Variants in BNIP2 observed in about 807,000 individuals in gnomAD.
The protein encoded by BNIP2 is BCL2 interacting protein 2, also known as BCL2/adenovirus E1B 19 kDa protein-interacting protein 2.
A neutral mutation model predicts 43.4 loss-of-function variants in BNIP2; 36 were observed. That is an observed-to-expected ratio of 0.83 (90% CI 0.64 to 1.10). BNIP2 has a LOEUF of 1.10. BNIP2 is among the 50% of genes least tolerant of loss of function. The pLI is 0.00. For synonymous variants in BNIP2, 146 were observed against 121.0 expected (o/e 1.21, Z -1.35); for missense variants, 417 against 374.1 (o/e 1.11, Z -0.95).
intron 5 of BNIP2, among the ~76,000 whole-genome samples, chr15:59,674,467 G>A (rs7497807): frequency 6.6e-6 from 1 of 152,178 alleles, no homozygotes; most frequent in African/African-American, 2.4e-5. Flanking sequence ...CTGTGAACTA[G>A]CTGAATAATG....
chr15:59,676,028 T>A (rs1220007652), intron 5 of BNIP2, among the ~76,000 whole-genome samples: 2 of 152,196 alleles, frequency 1.3e-5, no homozygotes, highest in Non-Finnish European at 2.9e-5. Flanking sequence ...GGTATGGGTT[T>A]TATATATATG....
At position 59,683,802 on chromosome 15, in the gene BNIP2, G is replaced by A. The variant is rs6151471; in HGVS notation, c.-57-1288C>T. ...CCATTGCACTCCAGTCTGGGTGACAGAGCAAAACCAGTAGCAGAGGAAAGA... is the reference window on the plus strand; with the variant it reads ...CCATTGCACTCCAGTCTGGGTGACAAAGCAAAACCAGTAGCAGAGGAAAGA... On this transcript the variant is annotated intron_variant, in intron 1 of 9. Transcript: ENST00000607373. 4.3e-4 allele frequency among the ~76,000 whole-genome samples: 65 copies of A among 152,342 alleles called. No individual in the cohort carries two copies. The South Asian group carries it at 4.3e-3, about 10-fold the overall frequency.
At chr15:59,674,057 T>A (rs1377257762) in intron 5 of BNIP2, among the ~76,000 whole-genome samples, 1 of 132,412 alleles carries the variant, frequency 7.6e-6, no homozygotes, top group Admixed American at 9.0e-5. Flanking sequence ...ACCACTGCAC[T>A]CCAGCCTGGG....
At chr15:59,679,416 G>C (rs1002181) in intron 4 of BNIP2, 176 bp downstream of exon 4, 198,779 of 576,710 alleles carry the variant, frequency 0.34, 36,278 homozygotes, top group East Asian at 0.54. Context: ...AATAAGAGGG[G>C]AAAAAAGCCA....
In BNIP2 at chr15:59,663,908, G is replaced by C; in HGVS notation, c.*161C>G. ...AAGAAATTTGCAAACCAGTACAGCAGTGAACAGTCCCTTGTATAATACAAA... is the reference window on the plus strand; with the variant it reads ...AAGAAATTTGCAAACCAGTACAGCACTGAACAGTCCCTTGTATAATACAAA... On this transcript the variant is annotated 3_prime_UTR_variant, in exon 10 of 10. Transcript: ENST00000607373. The C allele has an allele frequency of 2.0e-6, 1 of 507,220 alleles. No individual in the cohort carries two copies. Among genetic ancestry groups the C allele is most frequent in the Non-Finnish European group, 3.4e-6 (1 of 298,126 alleles). The allele number at this position is 507,220 out of a possible 1,614,324, so 31.4% of individuals were successfully genotyped here.
At chr15:59,664,750 G>A (rs1420463406) in intron 9 of BNIP2, among the ~76,000 whole-genome samples, 1 of 152,142 alleles carries the variant, frequency 6.6e-6, no homozygotes, top group African/African-American at 2.4e-5. Flanking sequence ...CTGTGGTAGG[G>A]ATCCAGGTGG....
rs1384842222 is a variant in BNIP2 at position 59,689,215 on chromosome 15, C to T, written c.-138G>A. 11 of 1,540,566 alleles carry T rather than the reference C, an allele frequency of 7.1e-6. No homozygotes were observed. The highest frequency in any genetic ancestry group is 6.9e-5 in the African/African-American group (5 of 72,982). On this transcript the variant is annotated 5_prime_UTR_variant, in exon 1 of 10. Transcript: ENST00000607373. ...GGGCTGACGGCCAGGTCGCAAAAAG[C>T]AGGGCCGAGCGGAGCCCGCTCCCCT... is the stretch of plus-strand genomic sequence containing the variant.
chr15:59,678,152 C>A, intron 4 of BNIP2, 65 bp from the exon 5 acceptor site: 2 of 1,502,510 alleles, frequency 1.3e-6, no homozygotes, highest in Non-Finnish European at 8.9e-7. Flanking sequence ...TATACGTTAA[C>A]CACTTTACTA....
At chr15:59,682,589 A>C in intron 1 of BNIP2, 75 bp from the exon 2 acceptor site, 1 of 1,102,824 alleles carries the variant, frequency 9.1e-7, no homozygotes, top group South Asian at 1.6e-5. Flanking sequence ...ATAATCTTAT[A>C]TATTAGTTCA....
rs1340169087 is a variant in BNIP2 at position 59,661,382 on chromosome 15, A to T, written c.*2687T>A. On this transcript the variant is annotated 3_prime_UTR_variant, in exon 10 of 10. Coordinates refer to ENST00000607373, the MANE Select transcript of BNIP2 (RefSeq NM_004330.4). ...CACACATACAGTGGCATCTTAGGTA[A>T]CAACTATGTCTTTATCTCTTTATAA... 2 of 151,794 alleles carry T rather than the reference A, an allele frequency of 1.3e-5. No homozygotes were observed. Among genetic ancestry groups the T allele is most frequent in the African/African-American group, 4.8e-5 (2 of 41,334 alleles). 9.4% of individuals were successfully genotyped at this position (151,794 alleles called of 1,614,324 possible). A position where few individuals can be genotyped will look rare whatever the true frequency, so the allele number is the denominator to read the frequency against.
intron 9 of BNIP2, chr15:59,668,022 G>C: frequency 1.0e-6 from 1 of 972,822 alleles, no homozygotes; most frequent in Non-Finnish European, 1.4e-6. Flanking sequence ...TTGTCTACAA[G>C]CTAACCAACC....
rs1156681285 is a variant in BNIP2, at chr15:59,660,051, A to G, written c.*4018T>C. ...GGCAGAGGGGGATGCTTGCCAGGTAATTCTTTTGTATTAGCTTAGAACATT... is the reference window on the plus strand; with the variant it reads ...GGCAGAGGGGGATGCTTGCCAGGTAGTTCTTTTGTATTAGCTTAGAACATT... On this transcript the variant is annotated 3_prime_UTR_variant, in exon 10 of 10. Transcript: ENST00000607373. 6 of 152,128 alleles carry G rather than the reference A, an allele frequency of 3.9e-5. No individual in the cohort carries two copies. The highest frequency in any genetic ancestry group is 1.4e-4 in the African/African-American group (6 of 41,424). The allele number at this position is 152,128 out of a possible 1,614,324, so 9.4% of individuals were successfully genotyped here.
chr15:59,673,137 T>C (rs1374008103), intron 5 of BNIP2, among the ~76,000 whole-genome samples: 4 of 146,088 alleles, frequency 2.7e-5, no homozygotes, highest in African/African-American at 1.0e-4. Flanking sequence ...TTTTTTTTTT[T>C]AGATGGAGTC....
rs1452631539 is a variant in BNIP2 at position 59,672,723 on chromosome 15, T to A, written c.489A>T (p.Gly163=). Reference sequence around the variant, plus strand: ...CAGCAAACACAACAATGGCATTTAATCCATCCCCATAATATCCTAAAAAAG... The same window carrying A: ...CAGCAAACACAACAATGGCATTTAAACCATCCCCATAATATCCTAAAAAAG... ...VISHGGYYGD[G]LNAIVVFAVC... The change falls in exon 6 of 10, where the codon GGA becomes GGT. Residue 163 remains glycine (G), a synonymous_variant. Coordinates refer to ENST00000607373, the MANE Select transcript of BNIP2 (RefSeq NM_004330.4). The A allele has an allele frequency of 6.2e-7, 1 of 1,613,754 alleles. No individual in the cohort carries two copies. The highest frequency in any genetic ancestry group is 8.5e-7 in the Non-Finnish European group (1 of 1,179,728).
intron 4 of BNIP2, chr15:59,678,413 T>C: frequency 9.3e-7 from 1 of 1,076,860 alleles, no homozygotes; most frequent in African/African-American, 1.7e-5. Context: ...CCTTTCCAGA[T>C]TCAACTTGTG....
At chr15:59,671,988 A>T (rs1392163141) in intron 6 of BNIP2, among the ~76,000 whole-genome samples, 3 of 152,130 alleles carry the variant, frequency 2.0e-5, no homozygotes. Flanking sequence ...AGGTAGGAGG[A>T]TGGCTTGAGC....
chr15:59,679,499 A>G, intron 4 of BNIP2, 93 bp downstream of exon 4: 1 of 1,349,518 alleles, frequency 7.4e-7, no homozygotes, highest in Non-Finnish European at 1.0e-6. Context: ...TATCTTAGTA[A>G]CAAATATATG....
intron 9 of BNIP2, chr15:59,668,179 G>T: frequency 8.9e-7 from 1 of 1,123,868 alleles, no homozygotes; most frequent in Non-Finnish European, 1.2e-6. Context: ...TACATGTTAT[G>T]AAAATGAATA....
intron 1 of BNIP2, among the ~76,000 whole-genome samples, chr15:59,687,375 G>A (rs1337333006): frequency 2.0e-4 from 29 of 143,962 alleles, no homozygotes; most frequent in African/African-American, 7.3e-4. Context: ...TTTTTGAGAC[G>A]GAGTCTCACT....
Sources: gnomAD v4.1 joint callset for allele counts (sites outside exome capture counted in the v4.1 genomes callset) on GRCh38, gnomAD v4.1.1 for gene constraint, MANE v1.5 for transcripts, NCBI Gene and HGNC (gene_info 2026-07-23, HGNC 2026-07-21) for gene names.